The following PCSK2 variants were observed in gnomAD, a reference collection of about 807,000 sequenced individuals.
PCSK2 encodes neuroendocrine convertase 2.
Under a neutral mutation model 69.7 loss-of-function variants are expected in PCSK2, and 14 were observed. The observed-to-expected ratio is 0.20, with a 90% confidence interval of 0.13 to 0.31. The LOEUF (loss-of-function observed/expected upper bound fraction) is 0.31, where lower values mean the gene tolerates loss of function less well. PCSK2 is among the 10% of genes least tolerant of loss of function. PCSK2 has a pLI of 1.00. For synonymous variants in PCSK2, 307 were observed against 320.7 expected (o/e 0.96, Z 0.46); for missense variants, 544 against 842.5 (o/e 0.65, Z 4.39).
At position 17,475,073 on chromosome 20, in the gene PCSK2, G is replaced by A. The variant is rs527651563; in HGVS notation, c.1431-6511G>A. ...GGAGGGCTTTTCAGGGAGAACTGTA[G>A]GAGAGTGAGGGATTTGGGAGGGGCA... On this transcript the variant is annotated intron_variant, in intron 11 of 11. Coordinates refer to ENST00000262545, the MANE Select transcript of PCSK2 (RefSeq NM_002594.5). Among the ~76,000 whole-genome samples the A allele has an allele frequency of 4.0e-5, 6 of 151,878 alleles. No individual in the cohort carries two copies. In the East Asian group the frequency reaches 1.2e-3, roughly 30 times the overall value.
At chr20:17,327,674 G>A (rs1990103544) in intron 2 of PCSK2, among the ~76,000 whole-genome samples, 1 of 152,224 alleles carries the variant, frequency 6.6e-6, no homozygotes, top group African/African-American at 2.4e-5. Context: ...CTACCGCTGT[G>A]TCTCCGCCAG....
intron 6 of PCSK2, among the ~76,000 whole-genome samples, chr20:17,414,102 C>T (rs1334235362): frequency 1.3e-5 from 2 of 152,004 alleles, no homozygotes; most frequent in Non-Finnish European, 1.5e-5. Context: ...AATCGACACC[C>T]TAACATCACA....
intron 2 of PCSK2, among the ~76,000 whole-genome samples, chr20:17,264,432 T>C (rs1324659149): frequency 6.6e-6 from 1 of 152,208 alleles, no homozygotes; most frequent in Non-Finnish European, 1.5e-5. Context: ...AAAGAATGGA[T>C]GATATTTCCT....
intron 2 of PCSK2, among the ~76,000 whole-genome samples, chr20:17,266,232 T>TG (rs1159008489): frequency 6.6e-6 from 1 of 152,194 alleles, no homozygotes; most frequent in East Asian, 1.9e-4. Flanking sequence ...GGCCTTGAAC[T>TG]GAAGGCAGCT....
rs11472008 is a variant in PCSK2, at chr20:17,482,342, GAAAAAA to G, written c.*288_*293del. ...CTGTCATTCAAATGGGTGATATCCT[GAAAAAA>G]AAAAAAAAAAAAAAACTGGGACAGC... On this transcript the variant is annotated 3_prime_UTR_variant, in exon 12 of 12. Transcript: ENST00000262545. The G allele has an allele frequency of 1.9e-5, 2 of 106,538 alleles. No individual in the cohort carries two copies. The highest frequency in any genetic ancestry group is 1.9e-5 in the Non-Finnish European group (1 of 54,018). 6.6% of individuals were successfully genotyped at this position (106,538 alleles called of 1,614,324 possible). A position where few individuals can be genotyped will look rare whatever the true frequency, so the allele number is the denominator to read the frequency against.
intron 2 of PCSK2, among the ~76,000 whole-genome samples, chr20:17,300,963 C>T (rs1160042142): frequency 2.6e-5 from 4 of 152,070 alleles, no homozygotes; most frequent in African/African-American, 9.7e-5. Flanking sequence ...TAATTGAGCT[C>T]TTAGGGAAAT....
At chr20:17,447,375 G>A (rs913306872) in intron 8 of PCSK2, among the ~76,000 whole-genome samples, 1 of 151,848 alleles carries the variant, frequency 6.6e-6, no homozygotes, top group Non-Finnish European at 1.5e-5. Flanking sequence ...AAATGAGCAG[G>A]AAAGACACAA....
chr20:17,480,134 A>G (rs1187206837), intron 11 of PCSK2, among the ~76,000 whole-genome samples: 1 of 148,012 alleles, frequency 6.8e-6, no homozygotes, highest in Non-Finnish European at 1.5e-5. Flanking sequence ...TCTCCTGATC[A>G]TTCATTGGAC....
chr20:17,291,889 G>A (rs1003650728), intron 2 of PCSK2, among the ~76,000 whole-genome samples: 1 of 152,084 alleles, frequency 6.6e-6, no homozygotes, highest in Non-Finnish European at 1.5e-5. Context: ...CCAATCTCGA[G>A]ATCACAAAAT....
intron 7 of PCSK2, among the ~76,000 whole-genome samples, chr20:17,434,551 C>T (rs907244510): frequency 1.3e-5 from 2 of 152,162 alleles, no homozygotes; most frequent in African/African-American, 4.8e-5. Flanking sequence ...AAGATTAATA[C>T]ACATCCACTC....
chr20:17,408,347 A>G (rs2031797202), intron 5 of PCSK2, among the ~76,000 whole-genome samples: 1 of 152,146 alleles, frequency 6.6e-6, no homozygotes, highest in Admixed American at 6.5e-5. Flanking sequence ...ATCATCTCCC[A>G]TTACAGACCA....
chr20:17,430,512 A>T (rs1356164806), intron 7 of PCSK2, among the ~76,000 whole-genome samples: 1 of 152,212 alleles, frequency 6.6e-6, no homozygotes, highest in Non-Finnish European at 1.5e-5. Context: ...CAAACCCACT[A>T]TTAACCTCTT....
intron 5 of PCSK2, among the ~76,000 whole-genome samples, chr20:17,378,576 T>TATGGATGGATGGACGG (rs1482426444): frequency 1.3e-5 from 2 of 149,284 alleles, no homozygotes; most frequent in Non-Finnish European, 3.0e-5. Flanking sequence ...AAGACTGAAT[T>TATGGATGGATGGACGG]ATGGATGGAT....
At chr20:17,388,134 G>A (rs1333549222) in intron 5 of PCSK2, among the ~76,000 whole-genome samples, 1 of 151,830 alleles carries the variant, frequency 6.6e-6, no homozygotes, top group Non-Finnish European at 1.5e-5. Context: ...GGGGAAAGAA[G>A]TATATCAGTA....
chr20:17,414,386 A>G (rs1236015389), intron 6 of PCSK2, among the ~76,000 whole-genome samples: 1 of 152,242 alleles, frequency 6.6e-6, no homozygotes, highest in Admixed American at 6.5e-5. Flanking sequence ...ACAAACTACC[A>G]TCAGAGAATA....
intron 5 of PCSK2, among the ~76,000 whole-genome samples, chr20:17,404,185 C>A (rs2031704568): frequency 6.6e-6 from 1 of 152,194 alleles, no homozygotes; most frequent in African/African-American, 2.4e-5. Context: ...GCACAACCTG[C>A]ACAACTGTAC....
intron 4 of PCSK2, among the ~76,000 whole-genome samples, chr20:17,361,790 C>A (rs1329852218): frequency 6.6e-6 from 1 of 152,186 alleles, no homozygotes; most frequent in East Asian, 1.9e-4. Flanking sequence ...AACCTTCCTC[C>A]AGAGGCCAAG....
intron 8 of PCSK2, among the ~76,000 whole-genome samples, chr20:17,439,046 A>G (rs2032544459): frequency 6.6e-6 from 1 of 152,024 alleles, no homozygotes; most frequent in Admixed American, 6.5e-5. Flanking sequence ...AATTTACCCC[A>G]TTAGGTTTCC....
chr20:17,364,343 C>A (rs184784707), intron 4 of PCSK2, among the ~76,000 whole-genome samples: 388 of 152,336 alleles, frequency 2.5e-3, no homozygotes, highest in African/African-American at 8.8e-3. Flanking sequence ...ACTTTTGCTG[C>A]ATAACAGATA....
Sources: gnomAD v4.1 joint callset for allele counts (sites outside exome capture counted in the v4.1 genomes callset) on GRCh38, gnomAD v4.1.1 for gene constraint, MANE v1.5 for transcripts, NCBI Gene and HGNC (gene_info 2026-07-23, HGNC 2026-07-21) for gene names.